Variants in OXR1 observed in about 807,000 individuals in gnomAD.
The protein encoded by OXR1 is oxidation resistance protein 1.
In OXR1, 41 loss-of-function variants were observed where a neutral mutation model predicts 104.6. The observed-to-expected ratio is 0.39, with a 90% CI of 0.31 to 0.51. OXR1 has a LOEUF of 0.51. OXR1 is among the 20% of genes least tolerant of loss of function. OXR1 has a pLI of 0.77. For synonymous variants in OXR1, 348 were observed against 348.4 expected (o/e 1.00, Z 0.01); for missense variants, 955 against 1,031.9 (o/e 0.93, Z 1.02).
chr8:106,586,016 T>G (rs1818602538), intron 3 of OXR1, among the ~76,000 whole-genome samples: 1 of 152,106 alleles, frequency 6.6e-6, no homozygotes, highest in Non-Finnish European at 1.5e-5. Flanking sequence ...TGGGCTAGAG[T>G]TTTTACTCCC....
chr8:106,596,704 A>G (rs1563631927), intron 3 of OXR1, among the ~76,000 whole-genome samples: 1 of 152,068 alleles, frequency 6.6e-6, no homozygotes, highest in African/African-American at 2.4e-5. Context: ...CCCACTCCAT[A>G]GAGTCAATGG....
At chr8:106,721,984 TC>T (rs1402258885) in intron 11 of OXR1, among the ~76,000 whole-genome samples, 2 of 152,160 alleles carry the variant, frequency 1.3e-5, no homozygotes, top group Admixed American at 6.5e-5. Context: ...TCATTAGGTT[TC>T]CCAGAAAACT....
chr8:106,490,956 T>C (rs1811046075), intron 2 of OXR1, among the ~76,000 whole-genome samples: 1 of 152,228 alleles, frequency 6.6e-6, no homozygotes, highest in African/African-American at 2.4e-5. Flanking sequence ...ATGATTTATT[T>C]GTTATTAAAC....
chr8:106,450,082 G>C (rs1222562044), intron 2 of OXR1, among the ~76,000 whole-genome samples: 3 of 152,156 alleles, frequency 2.0e-5, no homozygotes, highest in Admixed American at 6.5e-5. Context: ...TGTGATGAAT[G>C]AATCATAATT....
chr8:106,443,654 T>C (rs766175397), intron 2 of OXR1, among the ~76,000 whole-genome samples: 1 of 152,212 alleles, frequency 6.6e-6, no homozygotes, highest in Non-Finnish European at 1.5e-5. Flanking sequence ...CCCTTTACCA[T>C]GTTATAATGC....
At chr8:106,491,101 A>G (rs2129856463) in intron 2 of OXR1, among the ~76,000 whole-genome samples, 1 of 152,312 alleles carries the variant, frequency 6.6e-6, no homozygotes, top group South Asian at 2.1e-4. Flanking sequence ...CGCTCCGCTC[A>G]ATATGCAGGC....
intron 15 of OXR1, among the ~76,000 whole-genome samples, chr8:106,744,888 TG>T (rs1835252368): frequency 6.6e-6 from 1 of 152,202 alleles, no homozygotes; most frequent in Admixed American, 6.5e-5. Flanking sequence ...TTAGCAAATT[TG>T]TACTTAACTA....
intron 3 of OXR1, among the ~76,000 whole-genome samples, chr8:106,668,949 A>G (rs541655063): frequency 1.2e-4 from 18 of 152,296 alleles, no homozygotes; most frequent in African/African-American, 4.3e-4. Context: ...TTACATTCAC[A>G]GTAAGCTTCT....
At chr8:106,714,101 C>G (rs1351178855) in intron 11 of OXR1, 116 bp downstream of exon 11, 1 of 695,350 alleles carries the variant, frequency 1.4e-6, no homozygotes, top group East Asian at 3.2e-5. Flanking sequence ...TTTTAAAGGT[C>G]AGGTTCACTA....
At chr8:106,542,877 G>T (rs536962357) in intron 3 of OXR1, among the ~76,000 whole-genome samples, 3 of 152,024 alleles carry the variant, frequency 2.0e-5, no homozygotes, top group Non-Finnish European at 4.4e-5. Flanking sequence ...CCATTCTCTG[G>T]TTTGTTCTGC....
At chr8:106,283,692 C>A (rs1812379669) in intron 1 of OXR1, among the ~76,000 whole-genome samples, 1 of 152,152 alleles carries the variant, frequency 6.6e-6, no homozygotes, top group Admixed American at 6.5e-5. Context: ...GATACATACC[C>A]ATTTTAAAGC....
chr8:106,695,407 T>G (rs28808577), intron 7 of OXR1, among the ~76,000 whole-genome samples: 18,504 of 151,544 alleles, frequency 0.12, 1,409 homozygotes, highest in East Asian at 0.33. Context: ...ATCATGTTTA[T>G]GTATATTTTC....
chr8:106,289,295 G>T (rs1440275565), intron 1 of OXR1, among the ~76,000 whole-genome samples: 1 of 152,166 alleles, frequency 6.6e-6, no homozygotes, highest in Non-Finnish European at 1.5e-5. Flanking sequence ...TGCTAGAACT[G>T]ATAAGCTATT....
At chr8:106,527,960 G>T (rs1813813647) in intron 3 of OXR1, among the ~76,000 whole-genome samples, 1 of 152,170 alleles carries the variant, frequency 6.6e-6, no homozygotes, top group South Asian at 2.1e-4. Context: ...AGATCTCATT[G>T]AGTGGTTCCC....
chr8:106,408,934 A>T, intron 2 of OXR1, among the ~76,000 whole-genome samples: 1 of 152,162 alleles, frequency 6.6e-6, no homozygotes, highest in East Asian at 1.9e-4. Flanking sequence ...GTTTCAGGGA[A>T]CGTCAGGCAC....
intron 1 of OXR1, among the ~76,000 whole-genome samples, chr8:106,289,771 T>G (rs1290448019): frequency 6.6e-6 from 1 of 152,176 alleles, no homozygotes; most frequent in Admixed American, 6.5e-5. Flanking sequence ...AATCCCATCT[T>G]GAATTGTAGT....
intron 3 of OXR1, among the ~76,000 whole-genome samples, chr8:106,553,910 A>G (rs370682526): frequency 5.6e-4 from 85 of 152,306 alleles, no homozygotes; most frequent in African/African-American, 1.9e-3. Flanking sequence ...CATTGTTTCC[A>G]AAAACCTAGC....
At chr8:106,535,851 A>G (rs1441367258) in intron 3 of OXR1, among the ~76,000 whole-genome samples, 2 of 152,190 alleles carry the variant, frequency 1.3e-5, no homozygotes, top group Non-Finnish European at 2.9e-5. Flanking sequence ...TGTGTCATTC[A>G]TTCCATACCT....
intron 2 of OXR1, among the ~76,000 whole-genome samples, chr8:106,369,100 G>A (rs1256589762): frequency 6.6e-6 from 1 of 152,164 alleles, no homozygotes. Context: ...CATTCTGACT[G>A]GCATGAGATG....
Sources: allele counts gnomAD v4.1 joint callset (sites outside exome capture counted in the v4.1 genomes callset), GRCh38; gene constraint gnomAD v4.1.1; transcripts MANE v1.5; gene names NCBI Gene and HGNC (gene_info 2026-07-23, HGNC 2026-07-21).